GRIP1: variants seen among roughly 807,000 people sequenced by gnomAD.
GRIP1 encodes glutamate receptor-interacting protein 1.
A neutral mutation model predicts 129.9 loss-of-function variants in GRIP1; 45 were observed. The ratio of observed to expected loss-of-function variants is 0.35; its 90% CI spans 0.27 to 0.44. The LOEUF (loss-of-function observed/expected upper bound fraction) is 0.44, where lower values mean the gene tolerates loss of function less well. GRIP1 is among the 20% of genes least tolerant of loss of function. The pLI, the probability that GRIP1 is intolerant of heterozygous loss-of-function variation, is 1.00. For missense variants in GRIP1, 1,196 were observed against 1,396.8 expected (o/e 0.86, Z 2.29); for synonymous variants, 530 against 520.8 (o/e 1.02, Z -0.24).
At chr12:67,041,983 G>A (rs1180109169) in intron 1 of GRIP1, among the ~76,000 whole-genome samples, 1 of 152,160 alleles carries the variant, frequency 6.6e-6, no homozygotes, top group Non-Finnish European at 1.5e-5. Context: ...AGTGCTAAGA[G>A]GTGGGATCTT....
chr12:66,450,466 TAGA>T (rs2058760641), intron 11 of GRIP1, among the ~76,000 whole-genome samples: 1 of 151,680 alleles, frequency 6.6e-6, no homozygotes, highest in South Asian at 2.1e-4. Context: ...TTTTATTCTC[TAGA>T]AGGTTTTGAA....
At chr12:66,445,563 C>G in intron 11 of GRIP1, 55 bp from the exon 12 acceptor site, 1 of 1,272,426 alleles carries the variant, frequency 7.9e-7, no homozygotes, top group Non-Finnish European at 1.1e-6. Flanking sequence ...ACCAGGAATA[C>G]CAGCATTTCC....
Position 66,704,366 on chromosome 12 carries a change from G to T in GRIP1, c.-419-74030C>A, listed in dbSNP as rs1488719810. 2.0e-5 allele frequency among the ~76,000 whole-genome samples: 3 copies of T among 151,852 alleles called. No individual in the cohort carries two copies. In the East Asian group the frequency reaches 5.8e-4, roughly 29 times the overall value. ...ATTCAAATGTAATCAGAATTGTAAAGAATTTTATATAAATAAGAAAAATGT... is the reference window on the plus strand; with the variant it reads ...ATTCAAATGTAATCAGAATTGTAAATAATTTTATATAAATAAGAAAAATGT... On this transcript the variant is annotated intron_variant, in intron 1 of 4. Coordinates refer to the GRIP1 transcript ENST00000538373.
intron 6 of GRIP1, among the ~76,000 whole-genome samples, chr12:66,517,055 T>C (rs1339368324): frequency 6.6e-6 from 1 of 152,172 alleles, no homozygotes; most frequent in African/African-American, 2.4e-5. Context: ...TAATAAATAA[T>C]GGTTATTATT....
chr12:66,707,038 G>C (rs2035554546), intron 1 of GRIP1, among the ~76,000 whole-genome samples: 1 of 151,292 alleles, frequency 6.6e-6, no homozygotes, highest in East Asian at 1.9e-4. Context: ...ACTTAAGTTT[G>C]AACAAACAAA....
At chr12:66,462,852 T>C (rs1409277661) in intron 9 of GRIP1, 72 bp downstream of exon 9, 4 of 1,043,096 alleles carry the variant, frequency 3.8e-6, no homozygotes, top group South Asian at 1.3e-5. Context: ...GTCTTTCTGC[T>C]GTCTAACTCT....
At chr12:66,392,168 T>C (rs1437853801) in intron 19 of GRIP1, 140 bp downstream of exon 19, 1 of 658,464 alleles carries the variant, frequency 1.5e-6, no homozygotes, top group African/African-American at 1.8e-5. Flanking sequence ...AAGTATTCAA[T>C]GTGTTCAATA....
At chr12:67,058,813 ACCCTCCTTATCCCTG>A (rs893340588) in intron 1 of GRIP1, among the ~76,000 whole-genome samples, 4 of 152,076 alleles carry the variant, frequency 2.6e-5, no homozygotes, top group African/African-American at 9.7e-5. Flanking sequence ...TCATACAGTC[ACCCTCCTTATCCCTG>A]CCCTTTACAG....
At chr12:66,868,522 G>C (rs1356605628) in intron 1 of GRIP1, among the ~76,000 whole-genome samples, 3 of 151,918 alleles carry the variant, frequency 2.0e-5, no homozygotes, top group African/African-American at 7.3e-5. Flanking sequence ...AATGACAGCA[G>C]GGATTCAAAT....
At chr12:66,998,368 C>A (rs2042500855) in intron 1 of GRIP1, among the ~76,000 whole-genome samples, 1 of 152,088 alleles carries the variant, frequency 6.6e-6, no homozygotes, top group Non-Finnish European at 1.5e-5. Context: ...GAAAAAAATA[C>A]TTTTCAGTTA....
At chr12:66,754,865 T>C (rs2136637228) in intron 1 of GRIP1, among the ~76,000 whole-genome samples, 1 of 152,298 alleles carries the variant, frequency 6.6e-6, no homozygotes, top group Middle Eastern at 3.4e-3. Flanking sequence ...GCCTGCTTCA[T>C]TCTGATACCC....
chr12:66,905,035 A>T (rs1167079564), intron 1 of GRIP1, among the ~76,000 whole-genome samples: 8 of 152,232 alleles, frequency 5.3e-5, no homozygotes, highest in African/African-American at 1.9e-4. Flanking sequence ...CCTTAGATAC[A>T]AGAAATATTG....
At chr12:66,613,242 G>A in intron 1 of GRIP1, among the ~76,000 whole-genome samples, 1 of 152,140 alleles carries the variant, frequency 6.6e-6, no homozygotes, top group South Asian at 2.1e-4. Flanking sequence ...GGCCCTAGTG[G>A]CCCTAGAACT....
intron 1 of GRIP1, among the ~76,000 whole-genome samples, chr12:66,713,486 C>T (rs1490515200): frequency 6.6e-6 from 1 of 151,956 alleles, no homozygotes; most frequent in Non-Finnish European, 1.5e-5. Flanking sequence ...TGGGGTCCCC[C>T]TCAGAACAGT....
intron 7 of GRIP1, 59 bp downstream of exon 7, chr12:66,515,559 TC>T: frequency 6.8e-7 from 1 of 1,465,568 alleles, no homozygotes; most frequent in Non-Finnish European, 9.6e-7. Context: ...ACATGGTTTA[TC>T]AGGGACAGAC....
At chr12:66,610,958 C>T (rs576028426) in intron 1 of GRIP1, among the ~76,000 whole-genome samples, 1 of 152,242 alleles carries the variant, frequency 6.6e-6, no homozygotes, top group Non-Finnish European at 1.5e-5. Flanking sequence ...GCACAGCCTG[C>T]CTTCACATTT....
chr12:66,962,349 G>A (rs1179691401), intron 1 of GRIP1, among the ~76,000 whole-genome samples: 1 of 152,124 alleles, frequency 6.6e-6, no homozygotes, highest in Admixed American at 6.5e-5. Flanking sequence ...GAAAGGAATC[G>A]AGACAGGAAA....
intron 1 of GRIP1, among the ~76,000 whole-genome samples, chr12:66,839,803 C>G (rs2039681981): frequency 6.6e-6 from 1 of 152,190 alleles, no homozygotes; most frequent in African/African-American, 2.4e-5. Context: ...ATTAATGGCA[C>G]TTACTCTGTG....
intron 1 of GRIP1, among the ~76,000 whole-genome samples, chr12:66,947,175 A>G (rs2041686030): frequency 6.6e-6 from 1 of 152,166 alleles, no homozygotes; most frequent in South Asian, 2.1e-4. Context: ...TTTATCATAT[A>G]ATGGCTGGAG....
Sources: allele counts gnomAD v4.1 joint callset (sites outside exome capture counted in the v4.1 genomes callset), GRCh38; gene constraint gnomAD v4.1.1; transcripts MANE v1.5; gene names NCBI Gene and HGNC (gene_info 2026-07-23, HGNC 2026-07-21).